Variants in CHN2 observed in about 807,000 individuals in gnomAD.
CHN2 encodes the protein beta-chimaerin.
A neutral mutation model predicts 56.3 loss-of-function variants in CHN2; 35 were observed. The observed-to-expected ratio is 0.62, with a 90% CI of 0.47 to 0.82. The LOEUF is 0.82. Among genes scored for constraint, CHN2 ranks in the 40% least tolerant of loss-of-function variants. The pLI is 0.00. For synonymous variants in CHN2, 210 were observed against 212.8 expected (o/e 0.99, Z 0.12); for missense variants, 491 against 580.5 (o/e 0.85, Z 1.58).
chr7:29,415,273 T>A lies in CHN2; in HGVS notation c.576+14445T>A, dbSNP rs574203796. ...TAAACACGGAGCGACAGGGGCCACCTGGCTGGCACTTGGGGAGTCAGACAT... is the reference window on the plus strand; with the variant it reads ...TAAACACGGAGCGACAGGGGCCACCAGGCTGGCACTTGGGGAGTCAGACAT... On this transcript the variant is annotated intron_variant, in intron 6 of 12. Coordinates refer to ENST00000222792, the MANE Select transcript of CHN2 (RefSeq NM_004067.4). Among the ~76,000 whole-genome samples the A allele has an allele frequency of 7.2e-5, 11 of 152,316 alleles. No individual in the cohort carries two copies. The South Asian group carries it at 2.3e-3, about 32-fold the overall frequency.
intron 6 of CHN2, among the ~76,000 whole-genome samples, chr7:29,416,623 C>A (rs932389410): frequency 6.6e-6 from 1 of 152,148 alleles, no homozygotes; most frequent in Non-Finnish European, 1.5e-5. Flanking sequence ...CAGGAGACAG[C>A]CGATGTTGCT....
chr7:29,195,343 G>T, intron 1 of CHN2: 1 of 273,606 alleles, frequency 3.7e-6, no homozygotes. Context: ...TTGGGGTGAA[G>T]CAGAGCGCCC....
At chr7:29,479,669 T>A in intron 6 of CHN2, 1 of 1,037,744 alleles carries the variant, frequency 9.6e-7, no homozygotes, top group Non-Finnish European at 1.2e-6. Flanking sequence ...GGATGCAGCC[T>A]CAGACTTTGA....
chr7:29,417,248 A>G (rs1302441231), intron 6 of CHN2, among the ~76,000 whole-genome samples: 2 of 152,102 alleles, frequency 1.3e-5, no homozygotes, highest in African/African-American at 2.4e-5. Flanking sequence ...AGGAAGGAAG[A>G]AAAAAGGAAA....
In CHN2 at chr7:29,513,999, G is replaced by C. The variant is rs1391549542; in HGVS notation, c.*1264G>C. ...CTGCAATGTCTTTTCCTTTGATTGA[G>C]ATGATTTGTGTAAACTCACCAGTCT... On this transcript the variant is annotated 3_prime_UTR_variant, in exon 13 of 13. Transcript: ENST00000222792. 1 of 152,582 alleles carries C rather than the reference G, an allele frequency of 6.6e-6. No homozygotes were observed. The highest frequency in any genetic ancestry group is 2.4e-5 in the African/African-American group (1 of 41,428). The allele number at this position is 152,582 out of a possible 1,614,324, so 9.5% of individuals were successfully genotyped here.
Position 29,318,218 on chromosome 7 carries a change from A to G in CHN2, c.50-36407A>G, listed in dbSNP as rs1054193928. ...GCAGTTGGATCTTGGGGCAAGGATC[A>G]GTAAACTATGGCTGCACAGACCAAC... On this transcript the variant is annotated intron_variant, in intron 1 of 12. Transcript: ENST00000222792. Among the ~76,000 whole-genome samples, 8 of 152,204 alleles carry G rather than the reference A, an allele frequency of 5.3e-5. 1 individual carries two copies. Among genetic ancestry groups the G allele is most frequent in the Non-Finnish European group, 2.9e-5 (2 of 68,034 alleles).
At chr7:29,473,004 A>G (rs528537252) in intron 6 of CHN2, among the ~76,000 whole-genome samples, 1 of 152,220 alleles carries the variant, frequency 6.6e-6, no homozygotes, top group Non-Finnish European at 1.5e-5. Context: ...TTTTAAAATC[A>G]TACTAATATA....
chr7:29,351,741 G>GA (rs1285926879), intron 1 of CHN2, among the ~76,000 whole-genome samples: 1 of 152,108 alleles, frequency 6.6e-6, no homozygotes, highest in Non-Finnish European at 1.5e-5. Flanking sequence ...GATGATAAGT[G>GA]AAAAAAGGGA....
intron 1 of CHN2, among the ~76,000 whole-genome samples, chr7:29,276,063 A>C (rs1424255905): frequency 3.3e-5 from 5 of 152,198 alleles, no homozygotes; most frequent in Non-Finnish European, 7.3e-5. Context: ...ACTTAAAAAA[A>C]AAAACAAAAC....
chr7:29,157,173 T>C (rs1794490379), intron 2 of CHN2, among the ~76,000 whole-genome samples: 1 of 152,108 alleles, frequency 6.6e-6, no homozygotes. Flanking sequence ...CCACTTAACA[T>C]CCTAATCACC....
At chr7:29,443,383 T>C (rs1783810096) in intron 6 of CHN2, among the ~76,000 whole-genome samples, 1 of 152,224 alleles carries the variant, frequency 6.6e-6, no homozygotes, top group South Asian at 2.1e-4. Context: ...CATAGTAGGC[T>C]CTGCCATCTA....
At chr7:29,162,504 A>C (rs569728474) in intron 2 of CHN2, among the ~76,000 whole-genome samples, 1 of 152,108 alleles carries the variant, frequency 6.6e-6, no homozygotes, top group African/African-American at 2.4e-5. Context: ...TCTACTAAAA[A>C]TACAAAATTA....
At chr7:29,371,162 C>T (rs1232590858) in intron 3 of CHN2, among the ~76,000 whole-genome samples, 1 of 152,080 alleles carries the variant, frequency 6.6e-6, no homozygotes, top group East Asian at 1.9e-4. Context: ...CTGAACTGGT[C>T]ATTAAGGACA....
At chr7:29,240,816 T>TCG (rs1554374041) in intron 1 of CHN2, among the ~76,000 whole-genome samples, 189 of 149,438 alleles carry the variant, frequency 1.3e-3, no homozygotes, top group Admixed American at 2.5e-3. Context: ...CTTCTTCTTC[T>TCG]TCGTCGTCGT....
intron 7 of CHN2, among the ~76,000 whole-genome samples, chr7:29,490,129 A>G (rs1459798279): frequency 2.1e-5 from 2 of 94,422 alleles, no homozygotes; most frequent in Non-Finnish European, 4.9e-5. Context: ...TTTTTTTTTG[A>G]AACACCATTT....
At chr7:29,415,286 G>C (rs185197941) in intron 6 of CHN2, among the ~76,000 whole-genome samples, 1 of 152,202 alleles carries the variant, frequency 6.6e-6, no homozygotes, top group Non-Finnish European at 1.5e-5. Flanking sequence ...CTGGCACTTG[G>C]GGAGTCAGAC....
chr7:29,476,451 C>A (rs1156699807), intron 6 of CHN2, among the ~76,000 whole-genome samples: 1 of 151,500 alleles, frequency 6.6e-6, no homozygotes, highest in Non-Finnish European at 1.5e-5. Flanking sequence ...GCAAGAGAAT[C>A]ACTTGAACCC....
chr7:29,483,446 C>G (rs1787577707), intron 7 of CHN2, among the ~76,000 whole-genome samples: 1 of 152,116 alleles, frequency 6.6e-6, no homozygotes, highest in African/African-American at 2.4e-5. Context: ...TCATCGCATG[C>G]AATAATTGTA....
intron 1 of CHN2, chr7:29,195,266 G>A (rs1783535153): frequency 2.5e-6 from 1 of 400,928 alleles, no homozygotes; most frequent in Non-Finnish European, 4.4e-6. Flanking sequence ...CGAGCGAAAA[G>A]CGAAAGGAGC....
Sources: allele counts gnomAD v4.1 joint callset (sites outside exome capture counted in the v4.1 genomes callset), GRCh38; gene constraint gnomAD v4.1.1; transcripts MANE v1.5; gene names NCBI Gene and HGNC (gene_info 2026-07-23, HGNC 2026-07-21).